PTPRD: variants seen among roughly 807,000 people sequenced by gnomAD.
PTPRD encodes the protein receptor-type tyrosine-protein phosphatase delta.
A neutral mutation model predicts 214.5 loss-of-function variants in PTPRD; 34 were observed. The observed-to-expected ratio is 0.16, with a 90% confidence interval of 0.12 to 0.21. The LOEUF (loss-of-function observed/expected upper bound fraction) is 0.21, where lower values mean the gene tolerates loss of function less well. PTPRD is among the 10% of genes least tolerant of loss of function. The probability of loss-of-function intolerance (pLI) is 1.00; values close to 1 mark genes in which losing one functional copy is unlikely to be tolerated. For missense variants in PTPRD, 2,545 were observed against 2,398.7 expected (o/e 1.06, Z -1.27); for synonymous variants, 1,128 against 845.7 (o/e 1.33, Z -5.79).
At chr9:8,443,684 T>G (rs1218581092) in intron 34 of PTPRD, among the ~76,000 whole-genome samples, 1 of 152,152 alleles carries the variant, frequency 6.6e-6, no homozygotes, top group African/African-American at 2.4e-5. Flanking sequence ...CAGGTATTTT[T>G]GGGCCAGGGA....
chr9:8,389,114 G>T, intron 37 of PTPRD, 118 bp downstream of exon 37: 1 of 756,198 alleles, frequency 1.3e-6, no homozygotes, highest in Non-Finnish European at 2.0e-6. Context: ...TTCATAATTA[G>T]TATCTGTTAG....
chr9:9,451,902 G>A (rs1458232980), intron 8 of PTPRD, among the ~76,000 whole-genome samples: 2 of 150,856 alleles, frequency 1.3e-5, no homozygotes, highest in Admixed American at 1.3e-4. Context: ...AAGAGGAGAT[G>A]AATAGTTTGA....
intron 3 of PTPRD, among the ~76,000 whole-genome samples, chr9:10,305,616 T>C (rs2096036835): frequency 1.3e-5 from 2 of 151,998 alleles, no homozygotes; most frequent in African/African-American, 2.4e-5. Context: ...GTGAAGGATA[T>C]GAACACACAC....
At chr9:9,393,382 C>G (rs759141685) in intron 9 of PTPRD, among the ~76,000 whole-genome samples, 1 of 152,064 alleles carries the variant, frequency 6.6e-6, no homozygotes, top group Non-Finnish European at 1.5e-5. Context: ...GCATGCTATG[C>G]GAAAAACCAT....
chr9:9,362,476 G>A (rs949423671), intron 9 of PTPRD, among the ~76,000 whole-genome samples: 5 of 151,176 alleles, frequency 3.3e-5, no homozygotes, highest in African/African-American at 1.2e-4. Context: ...AGGATGAAAT[G>A]TATGAGAGCA....
At chr9:8,651,957 G>A (rs1193236601) in intron 12 of PTPRD, among the ~76,000 whole-genome samples, 1 of 152,214 alleles carries the variant, frequency 6.6e-6, no homozygotes, top group Admixed American at 6.5e-5. Flanking sequence ...AGGCAGTGCA[G>A]ACCCTGGTAG....
intron 10 of PTPRD, among the ~76,000 whole-genome samples, chr9:9,042,630 T>TTTTGGTC (rs2099644012): frequency 6.7e-6 from 1 of 149,878 alleles, no homozygotes; most frequent in African/African-American, 2.4e-5. Context: ...TTTTTTTTTT[T>TTTTGGTC]TTTTGGTCTA....
intron 9 of PTPRD, among the ~76,000 whole-genome samples, chr9:9,191,811 T>C (rs1458814007): frequency 8.5e-5 from 13 of 152,110 alleles, no homozygotes; most frequent in Admixed American, 7.9e-4. Context: ...GCAAATAAAA[T>C]ATTAAGATAT....
chr9:9,234,907 G>T (rs1006028819), intron 9 of PTPRD, among the ~76,000 whole-genome samples: 4 of 152,104 alleles, frequency 2.6e-5, no homozygotes, highest in Admixed American at 1.3e-4. Flanking sequence ...TCCAACCTCT[G>T]ACTGTTACCC....
In PTPRD at chr9:9,906,453, C is replaced by A. The variant is rs113011744; in HGVS notation, c.-368+32054G>T. The stretch of plus-strand genomic sequence containing the variant: ...TTTTACTGGTTAACCTGTATTGGTG[C>A]CTACGTAATCAGTAGGCAACTGGTT... On this transcript the variant is annotated intron_variant, in intron 5 of 45. Transcript: ENST00000381196. Among the ~76,000 whole-genome samples the A allele has an allele frequency of 3.8e-3, 580 of 151,852 alleles. 8 individuals are homozygous for A. Among genetic ancestry groups the A allele is most frequent in the African/African-American group, 0.013 (533 of 41,476 alleles).
chr9:9,646,959 G>T (rs1478734102), intron 7 of PTPRD, among the ~76,000 whole-genome samples: 1 of 152,168 alleles, frequency 6.6e-6, no homozygotes, highest in African/African-American at 2.4e-5. Flanking sequence ...AGCTGGGGAG[G>T]TGCAGGGGGC....
chr9:9,812,233 C>T (rs1309753920), intron 5 of PTPRD, among the ~76,000 whole-genome samples: 1 of 152,032 alleles, frequency 6.6e-6, no homozygotes, highest in South Asian at 2.1e-4. Flanking sequence ...TTTTGTATCA[C>T]TCACTTCATA....
At position 8,733,838 on chromosome 9, in the gene PTPRD, C is replaced by G. The variant is rs750131642; in HGVS notation, c.6G>C (p.Val2=). Residue 2 remains valine (V), a synonymous_variant, in exon 12 of 46, where the codon GTG becomes GTC. Coordinates refer to ENST00000381196, the MANE Select transcript of PTPRD (RefSeq NM_002839.4). Reference sequence around the variant, plus strand: ...GCAGCAGCAGCAGCCTGGCTACGTGCACCATCCTGCAGCTTGGCAGCAGCG... The same window carrying G: ...GCAGCAGCAGCAGCCTGGCTACGTGGACCATCCTGCAGCTTGGCAGCAGCG... The part of the protein sequence containing the change: M[V]HVARLLLLLL... 1 of 1,551,470 alleles carries G rather than the reference C, an allele frequency of 6.4e-7. No homozygotes were observed. The highest frequency in any genetic ancestry group is 8.7e-7 in the Non-Finnish European group (1 of 1,147,180).
At chr9:9,109,072 T>C (rs1048061622) in intron 10 of PTPRD, among the ~76,000 whole-genome samples, 1 of 151,958 alleles carries the variant, frequency 6.6e-6, no homozygotes, top group Non-Finnish European at 1.5e-5. Flanking sequence ...GGGGATGGGG[T>C]GGTGAAGTTT....
At chr9:9,148,243 C>A (rs1251890430) in intron 10 of PTPRD, among the ~76,000 whole-genome samples, 1 of 152,114 alleles carries the variant, frequency 6.6e-6, no homozygotes, top group Non-Finnish European at 1.5e-5. Context: ...TATGAAATTA[C>A]TTCAAAGTAG....
chr9:10,475,778 C>T (rs2099058721), intron 2 of PTPRD, among the ~76,000 whole-genome samples: 1 of 152,048 alleles, frequency 6.6e-6, no homozygotes, highest in African/African-American at 2.4e-5. Flanking sequence ...AGCTTATCTA[C>T]CACGATCAAG....
At chr9:10,180,032 C>A (rs2099272850) in intron 3 of PTPRD, among the ~76,000 whole-genome samples, 1 of 149,800 alleles carries the variant, frequency 6.7e-6, no homozygotes, top group South Asian at 2.2e-4. Flanking sequence ...TATTAGTAGG[C>A]TAATCAGAAG....
At chr9:10,294,258 T>G (rs998237286) in intron 3 of PTPRD, among the ~76,000 whole-genome samples, 5 of 151,948 alleles carry the variant, frequency 3.3e-5, no homozygotes, top group African/African-American at 1.2e-4. Context: ...GTTGATAATG[T>G]TCAGTGGTTC....
intron 3 of PTPRD, among the ~76,000 whole-genome samples, chr9:10,071,919 A>G (rs553543904): frequency 3.3e-5 from 5 of 152,082 alleles, no homozygotes; most frequent in Middle Eastern, 6.8e-3. Context: ...TTTTTTTAAA[A>G]TAATTATTAT....
Sources: allele counts gnomAD v4.1 joint callset (sites outside exome capture counted in the v4.1 genomes callset), GRCh38; gene constraint gnomAD v4.1.1; transcripts MANE v1.5; gene names NCBI Gene and HGNC (gene_info 2026-07-23, HGNC 2026-07-21).